ATF7: variants seen among roughly 807,000 people sequenced by gnomAD.
ATF7 encodes activating transcription factor 7.
ATF7 carries 10 observed loss-of-function variants against 50.4 expected under a neutral mutation model. That is an observed-to-expected ratio of 0.20 (90% confidence interval 0.12 to 0.34). ATF7 has a LOEUF of 0.34. ATF7 is among the 10% of genes least tolerant of loss of function. The pLI is 1.00. For synonymous variants in ATF7, 201 were observed against 226.4 expected (o/e 0.89, Z 1.01); for missense variants, 465 against 613.9 (o/e 0.76, Z 2.56).
intron 2 of ATF7, among the ~76,000 whole-genome samples, chr12:53,562,329 C>T (rs766645498): frequency 2.0e-5 from 3 of 152,118 alleles, no homozygotes; most frequent in African/African-American, 4.8e-5. Flanking sequence ...TACAAAGCAA[C>T]CCCAACCTAC....
chr12:53,520,662 T>TA (rs1467230338), intron 11 of ATF7, among the ~76,000 whole-genome samples: 3 of 152,186 alleles, frequency 2.0e-5, no homozygotes, highest in Non-Finnish European at 4.4e-5. Flanking sequence ...GTAAGCCTAA[T>TA]AGGCTCCTTA....
intron 2 of ATF7, among the ~76,000 whole-genome samples, chr12:53,583,480 CTATTA>C (rs1240523926): frequency 1.3e-5 from 2 of 151,672 alleles, no homozygotes; most frequent in South Asian, 2.1e-4. Context: ...AATTATTTCA[CTATTA>C]TATTATAATT....
intron 2 of ATF7, among the ~76,000 whole-genome samples, chr12:53,560,973 TCTCA>T (rs1219021958): frequency 3.4e-5 from 5 of 146,410 alleles, no homozygotes; most frequent in Non-Finnish European, 6.0e-5. Flanking sequence ...TTACACAGGG[TCTCA>T]CTCTGTAGCT....
chr12:53,577,023 T>C lies in ATF7; in HGVS notation c.48+23930A>G, dbSNP rs117011433. ...GGGACCTGAGATCGTGCCACTGCAATCCAGCCTGGGTGACCAAGAGAGAAT... is the reference window on the plus strand; with the variant it reads ...GGGACCTGAGATCGTGCCACTGCAACCCAGCCTGGGTGACCAAGAGAGAAT... On this transcript the variant is annotated intron_variant, in intron 2 of 11. Transcript: ENST00000420353. Among the ~76,000 whole-genome samples, 202 of 152,194 alleles carry C rather than the reference T, an allele frequency of 1.3e-3. 2 individuals are homozygous for C. The East Asian group carries it at 0.028, about 21-fold the overall frequency.
At chr12:53,534,780 T>C in intron 5 of ATF7, 121 bp from the exon 6 acceptor site, 1 of 1,134,260 alleles carries the variant, frequency 8.8e-7, no homozygotes, top group Non-Finnish European at 1.2e-6. Flanking sequence ...CATTAAATCA[T>C]GACCTGATTC....
At chr12:53,522,294 C>A (rs1938170594) in intron 11 of ATF7, among the ~76,000 whole-genome samples, 1 of 152,224 alleles carries the variant, frequency 6.6e-6, no homozygotes, top group Admixed American at 6.5e-5. Flanking sequence ...CGCGGTAGCT[C>A]ATGCCTGTAA....
In ATF7 at chr12:53,524,924, A is replaced by G; in HGVS notation, c.928-163T>C. On this transcript the variant is annotated intron_variant, in intron 9 of 11. Coordinates refer to ENST00000420353, the MANE Select transcript of ATF7 (RefSeq NM_006856.3). This position sits in a 1 kb window ranked among gnomAD's most constrained non-coding sequence, Gnocchi z 4.6. ...TGTCCCCAAGCTTCCCTTTTGTAGGAGTCCTCAATTTTGCCTCCTATTTCC... is the reference window on the plus strand; with the variant it reads ...TGTCCCCAAGCTTCCCTTTTGTAGGGGTCCTCAATTTTGCCTCCTATTTCC... 1 of 669,588 alleles carries G rather than the reference A, an allele frequency of 1.5e-6. No homozygotes were observed. The highest frequency in any genetic ancestry group is 3.5e-5 in the Admixed American group (1 of 28,558). The allele number at this position is 669,588 out of a possible 1,614,324, so 41.5% of individuals were successfully genotyped here. A position where few individuals can be genotyped will look rare whatever the true frequency, so the allele number is the denominator to read the frequency against.
intron 11 of ATF7, 182 bp downstream of exon 11, chr12:53,523,094 G>A (rs1377551047): frequency 1.8e-6 from 1 of 561,870 alleles, no homozygotes; most frequent in Non-Finnish European, 3.2e-6. Context: ...CAGATAATTA[G>A]CTCTATATCG....
At chr12:53,530,253 G>A (rs1030119363) in intron 9 of ATF7, among the ~76,000 whole-genome samples, 2 of 152,132 alleles carry the variant, frequency 1.3e-5, no homozygotes, top group East Asian at 1.9e-4. Flanking sequence ...AAGCTTTACC[G>A]TAGCATATGG....
intron 1 of ATF7, among the ~76,000 whole-genome samples, chr12:53,615,332 C>T (rs1014581738): frequency 3.4e-5 from 5 of 148,290 alleles, no homozygotes; most frequent in Non-Finnish European, 6.0e-5. Flanking sequence ...TGCAGTGAGC[C>T]GAGCTCGTGC....
intron 8 of ATF7, among the ~76,000 whole-genome samples, chr12:53,532,305 T>A (rs1168024742): frequency 6.6e-6 from 1 of 152,204 alleles, no homozygotes; most frequent in African/African-American, 2.4e-5. Flanking sequence ...TTCACTGCCA[T>A]GGTCTATGTA....
chr12:53,580,087 C>T (rs551474164), intron 2 of ATF7, among the ~76,000 whole-genome samples: 4 of 151,942 alleles, frequency 2.6e-5, no homozygotes, highest in African/African-American at 9.6e-5. Context: ...CACACTGCCA[C>T]ACCTGGCTAA....
At chr12:53,569,283 G>A (rs1247853076) in intron 2 of ATF7, among the ~76,000 whole-genome samples, 1 of 152,218 alleles carries the variant, frequency 6.6e-6, no homozygotes, top group Non-Finnish European at 1.5e-5. Flanking sequence ...GCAGCAGCTG[G>A]GGAAATTGTC....
At chr12:53,621,507 C>T (rs1047854980) in intron 1 of ATF7, among the ~76,000 whole-genome samples, 7 of 152,016 alleles carry the variant, frequency 4.6e-5, no homozygotes, top group African/African-American at 1.2e-4. Context: ...ACATGGCCGG[C>T]GCGGTGGCTC....
chr12:53,604,297 C>G (rs77616617), intron 1 of ATF7, among the ~76,000 whole-genome samples: 3,843 of 152,106 alleles, frequency 0.025, 175 homozygotes, highest in African/African-American at 0.087. Flanking sequence ...AATACTTACT[C>G]AAAAGAGAAA....
chr12:53,535,494 T>C (rs559789597), intron 5 of ATF7, among the ~76,000 whole-genome samples: 15 of 152,090 alleles, frequency 9.9e-5, no homozygotes, highest in African/African-American at 2.9e-4. Flanking sequence ...GAGCAGTAGA[T>C]TGAAAGAAGG....
At chr12:53,540,868 A>G (rs1939511379) in intron 4 of ATF7, among the ~76,000 whole-genome samples, 1 of 152,088 alleles carries the variant, frequency 6.6e-6, no homozygotes, top group Non-Finnish European at 1.5e-5. Context: ...AGTAGCCAGG[A>G]TCATAGGCGT....
At chr12:53,609,821 C>CATTTTTTTTTT (rs1943776808) in intron 1 of ATF7, among the ~76,000 whole-genome samples, 4 of 115,960 alleles carry the variant, frequency 3.4e-5, no homozygotes, top group Admixed American at 9.8e-5. Context: ...AAATGTTATG[C>CATTTTTTTTTT]TTTTTTTTTT....
chr12:53,540,058 A>G (rs1939448940), intron 4 of ATF7, among the ~76,000 whole-genome samples: 1 of 151,784 alleles, frequency 6.6e-6, no homozygotes, highest in Non-Finnish European at 1.5e-5. Flanking sequence ...GCTCTGTCTC[A>G]AAAAAAATAC....
Sources: gnomAD v4.1 joint callset for allele counts (sites outside exome capture counted in the v4.1 genomes callset) on GRCh38, gnomAD v4.1.1 for gene constraint, Gnocchi (gnomAD v3.1) non-coding constraint, MANE v1.5 for transcripts, NCBI Gene and HGNC (gene_info 2026-07-23, HGNC 2026-07-21) for gene names.